The following TTC6 variants were observed in gnomAD, a reference collection of about 807,000 sequenced individuals.
TTC6 encodes the protein tetratricopeptide repeat domain 6.
A neutral mutation model predicts 210.4 loss-of-function variants in TTC6; 172 were observed. The ratio of observed to expected loss-of-function variants is 0.82; its 90% CI spans 0.72 to 0.93. The LOEUF (loss-of-function observed/expected upper bound fraction) is 0.93. Among genes scored for constraint, TTC6 ranks in the 40% least tolerant of loss-of-function variants. TTC6 has a pLI of 0.00. For missense variants in TTC6, 2,414 were observed against 2,318.1 expected, an observed-to-expected ratio of 1.04 and a Z score of -0.85; for synonymous variants, 804 against 819.6, an observed-to-expected ratio of 0.98 and a Z score of 0.32.
intron 5 of TTC6, among the ~76,000 whole-genome samples, chr14:37,712,756 A>G (rs2095846575): frequency 6.6e-6 from 1 of 152,090 alleles, no homozygotes; most frequent in African/African-American, 2.4e-5. Context: ...CCACTCCCGT[A>G]ATTCAATTAC....
At chr14:37,824,572 T>C (rs1013790365) in intron 27 of TTC6, among the ~76,000 whole-genome samples, 2 of 152,174 alleles carry the variant, frequency 1.3e-5, no homozygotes, top group Admixed American at 1.3e-4. Context: ...AACAAGATTA[T>C]ACTTCCTTCT....
chr14:37,725,536 G>A (rs1404500501), intron 7 of TTC6, among the ~76,000 whole-genome samples: 8 of 151,198 alleles, frequency 5.3e-5, no homozygotes, highest in Admixed American at 5.3e-4. Context: ...TTTTAGTGGA[G>A]ATGGGGTTTC....
At chr14:37,696,774 C>T (rs570994794) in exon 4 of TTC6, 13 of 1,459,272 alleles carry the variant, frequency 8.9e-6, no homozygotes, top group African/African-American at 7.1e-5. Context: ...AATGCGGAAA[C>T]GTAAATCACT....
chr14:37,697,082 A>G (rs2095816330), intron 4 of TTC6, among the ~76,000 whole-genome samples: 1 of 152,114 alleles, frequency 6.6e-6, no homozygotes, highest in African/African-American at 2.4e-5. Flanking sequence ...GCTGGAAAAA[A>G]TAACTGTTTG....
Position 37,755,513 on chromosome 14 carries a change from T to C in TTC6, c.3266+2278T>C, listed in dbSNP as rs149197352. Among the ~76,000 whole-genome samples the C allele has an allele frequency of 4.3e-4, 65 of 152,334 alleles. No individual in the cohort carries two copies. In the East Asian group the frequency reaches 0.013, roughly 29 times the overall value. ...CTTCTAGGGTTTTTATGGTTTTAGG[T>C]TTTATGTTTAAATATTTATTCCATC... On this transcript the variant is annotated intron_variant, in intron 14 of 30. Coordinates refer to ENST00000553443, the Ensembl canonical transcript of TTC6.
intron 11 of TTC6, 37 bp from the exon 14 acceptor site, chr14:37,749,677 A>C: frequency 7.7e-7 from 1 of 1,297,830 alleles, no homozygotes; most frequent in Non-Finnish European, 9.9e-7. Context: ...TCCTTTAACA[A>C]ATCAACTTTA....
intron 10 of TTC6, among the ~76,000 whole-genome samples, chr14:37,744,497 G>A (rs1354786247): frequency 6.6e-6 from 1 of 152,176 alleles, no homozygotes; most frequent in Non-Finnish European, 1.5e-5. Context: ...AAGTGCAAAG[G>A]CCTTGAGTTG....
At chr14:37,733,031 T>C (rs1365804644) in intron 7 of TTC6, among the ~76,000 whole-genome samples, 1 of 152,198 alleles carries the variant, frequency 6.6e-6, no homozygotes, top group Non-Finnish European at 1.5e-5. Context: ...ACCCATGAAG[T>C]TCAAACCCAT....
At chr14:37,658,441 G>A (rs896777619) in intron 1 of TTC6, among the ~76,000 whole-genome samples, 8 of 152,062 alleles carry the variant, frequency 5.3e-5, no homozygotes, top group Non-Finnish European at 1.2e-4. Context: ...AGGTGGTGGG[G>A]GCCTGGTGTG....
At chr14:37,777,647 A>T (rs2139230771) in intron 14 of TTC6, among the ~76,000 whole-genome samples, 1 of 152,206 alleles carries the variant, frequency 6.6e-6, no homozygotes. Flanking sequence ...TGCGGAGTGA[A>T]TGCGGTCATT....
chr14:37,795,616 C>T (rs770845849), intron 18 of TTC6, among the ~76,000 whole-genome samples: 1 of 152,122 alleles, frequency 6.6e-6, no homozygotes, highest in African/African-American at 2.4e-5. Context: ...TTTTAAGCGA[C>T]TAGTCATATG....
At chr14:37,633,872 G>A (rs777040682) in intron 1 of TTC6, among the ~76,000 whole-genome samples, 1 of 152,164 alleles carries the variant, frequency 6.6e-6, no homozygotes, top group East Asian at 1.9e-4. Flanking sequence ...TAACAAGGAG[G>A]CCCCCATCCC....
intron 3 of TTC6, among the ~76,000 whole-genome samples, chr14:37,687,872 T>C (rs2095796894): frequency 1.3e-5 from 2 of 152,126 alleles, no homozygotes; most frequent in African/African-American, 4.8e-5. Flanking sequence ...CATTCCCAGC[T>C]GTGGTGGCTA....
intron 3 of TTC6, among the ~76,000 whole-genome samples, chr14:37,688,091 A>G (rs763227920): frequency 6.6e-6 from 1 of 152,148 alleles, no homozygotes; most frequent in Non-Finnish European, 1.5e-5. Context: ...TCCCAGGACA[A>G]GCAGCATTTA....
At chr14:37,749,284 G>A (rs1353385106) in exon 11 of TTC6, 3 of 1,523,006 alleles carry the variant, frequency 2.0e-6, no homozygotes. Flanking sequence ...CTGAAGTGAA[G>A]ATTTTGACTG....
At chr14:37,688,050 C>T (rs1178083533) in intron 3 of TTC6, among the ~76,000 whole-genome samples, 1 of 152,070 alleles carries the variant, frequency 6.6e-6, no homozygotes, top group Non-Finnish European at 1.5e-5. Flanking sequence ...TGCCCTAGGT[C>T]AGAGGGAAGC....
At chr14:37,737,445 T>C (rs2095904847) in intron 8 of TTC6, among the ~76,000 whole-genome samples, 2 of 151,992 alleles carry the variant, frequency 1.3e-5, no homozygotes, top group East Asian at 1.9e-4. Flanking sequence ...AAAAACATAG[T>C]TTTTATTATT....
At chr14:37,661,742 A>G (rs1458295438) in intron 1 of TTC6, among the ~76,000 whole-genome samples, 1 of 152,164 alleles carries the variant, frequency 6.6e-6, no homozygotes, top group African/African-American at 2.4e-5. Context: ...ATAGCATTAA[A>G]TCTATAAATT....
intron 1 of TTC6, among the ~76,000 whole-genome samples, chr14:37,661,016 A>C (rs924601869): frequency 2.0e-5 from 3 of 151,934 alleles, no homozygotes; most frequent in African/African-American, 7.3e-5. Flanking sequence ...TCCTTTTCCC[A>C]CTTTTTAATA....
Sources: allele counts gnomAD v4.1 joint callset (sites outside exome capture counted in the v4.1 genomes callset), GRCh38; gene constraint gnomAD v4.1.1; transcripts MANE v1.5; gene names NCBI Gene and HGNC (gene_info 2026-07-23, HGNC 2026-07-21).